The following CDC20B variants were observed in gnomAD, a reference collection of about 807,000 sequenced individuals.
The protein encoded by CDC20B is cell division cycle 20B.
CDC20B carries 58 observed loss-of-function variants against 64.1 expected under a neutral mutation model. The observed-to-expected ratio is 0.90, with a 90% CI of 0.73 to 1.13. The LOEUF (loss-of-function observed/expected upper bound fraction) is 1.13. Among genes scored for constraint, CDC20B ranks in the 50% most tolerant of loss-of-function variants. The probability of loss-of-function intolerance (pLI) is 0.00; values close to 1 mark genes in which losing one functional copy is unlikely to be tolerated. For synonymous variants in CDC20B, 243 were observed against 230.6 expected (o/e 1.05, Z -0.49); for missense variants, 597 against 633.0 (o/e 0.94, Z 0.61).
intron 2 of CDC20B, among the ~76,000 whole-genome samples, chr5:55,163,629 C>T (rs1000459556): frequency 1.3e-5 from 2 of 151,712 alleles, no homozygotes; most frequent in African/African-American, 4.8e-5. Flanking sequence ...GTCTCAGCCT[C>T]CCGAGTAGCT....
At chr5:55,167,860 T>C (rs1744466103) in intron 2 of CDC20B, among the ~76,000 whole-genome samples, 1 of 151,764 alleles carries the variant, frequency 6.6e-6, no homozygotes, top group South Asian at 2.1e-4. Context: ...CGAGACCCCA[T>C]CTCTACAAAA....
chr5:55,146,696 G>C lies in CDC20B; in HGVS notation c.287C>G (p.Thr96Ser). Residue 96 changes from threonine (T) to serine (S), a missense_variant, in exon 3 of 12, where the codon ACC (threonine) becomes AGC (serine). This residue lies in a region of CDC20B where 241 missense variants were observed against 219.2 expected (regional missense o/e 1.10). Coordinates refer to ENST00000381375, the MANE Select transcript of CDC20B (RefSeq NM_001170402.1). ...TCCGGAAGCTTCTGGGAGGTAGGTGGTTGACTGCTCTTCCCCAAAGGAATC... is the reference window on the plus strand; with the variant it reads ...TCCGGAAGCTTCTGGGAGGTAGGTGCTTGACTGCTCTTCCCCAAAGGAATC... ...SSDSFGEEQS[T>S]TYLPEASGSV... 1.2e-6 allele frequency: 2 copies of C among 1,614,178 alleles called. No individual in the cohort carries two copies. The highest frequency in any genetic ancestry group is 1.7e-6 in the Non-Finnish European group (2 of 1,180,038).
At chr5:55,165,542 A>G (rs902382294) in intron 2 of CDC20B, 9 of 152,224 alleles carry the variant, frequency 5.9e-5, no homozygotes, top group Non-Finnish European at 2.9e-5. Flanking sequence ...CTACCTCAGT[A>G]TATAGTTCTG....
intron 2 of CDC20B, among the ~76,000 whole-genome samples, chr5:55,149,397 T>C (rs988719177): frequency 6.6e-6 from 1 of 152,244 alleles, no homozygotes; most frequent in Non-Finnish European, 1.5e-5. Context: ...CAAATTCATG[T>C]GCACATATGT....
rs764233309 is a variant in CDC20B at position 55,146,671 on chromosome 5, TC to T, written c.311del (p.Gly104AspfsTer4). The T allele has an allele frequency of 1.2e-6, 2 of 1,614,178 alleles. No individual in the cohort carries two copies. The highest frequency in any genetic ancestry group is 1.1e-5 in the South Asian group (1 of 91,084). Reference protein sequence around the residue: ...QSTTYLPEASGSVLKTPPEKE... With the variant: ...QSTTYLPEASXSVLKTPPEKE... ...TCTCAGGCGGTGTCTTCAGCACTGA[TC>T]CGGAAGCTTCTGGGAGGTAGGTGGT... On this transcript the variant is annotated frameshift_variant, in exon 3 of 12. Transcript: ENST00000381375. LOFTEE classifies it high-confidence loss of function.
intron 5 of CDC20B, among the ~76,000 whole-genome samples, chr5:55,134,591 G>A (rs1028665983): frequency 2.6e-5 from 4 of 152,048 alleles, no homozygotes; most frequent in Admixed American, 6.6e-5. Context: ...GTGAAACCCT[G>A]TCACTACAAA....
intron 2 of CDC20B, chr5:55,160,139 T>G (rs1479769072): frequency 1.5e-6 from 2 of 1,378,760 alleles, no homozygotes; most frequent in Middle Eastern, 1.9e-4. Context: ...GTTTCAAGTT[T>G]CAGCTCCTCC....
intron 5 of CDC20B, among the ~76,000 whole-genome samples, chr5:55,140,022 A>C (rs1354815469): frequency 6.6e-6 from 1 of 152,068 alleles, no homozygotes; most frequent in East Asian, 1.9e-4. Context: ...AAAAACAAAA[A>C]AGTCATGATT....
chr5:55,172,459 T>G, intron 2 of CDC20B, 129 bp downstream of exon 2: 2 of 687,374 alleles, frequency 2.9e-6, no homozygotes, highest in Non-Finnish European at 5.0e-6. Context: ...TTTTTTAGTA[T>G]GTAATAAGAT....
chr5:55,134,097 A>T (rs1452375695), intron 5 of CDC20B, among the ~76,000 whole-genome samples: 1 of 152,162 alleles, frequency 6.6e-6, no homozygotes, highest in Non-Finnish European at 1.5e-5. Flanking sequence ...TTTACCCATG[A>T]CTATCTAAGG....
Position 55,143,571 on chromosome 5 carries a change from C to T in CDC20B, c.428G>A (p.Cys143Tyr), listed in dbSNP as rs148160140. Residue 143 changes from cysteine to tyrosine, a missense_variant, in exon 4 of 12, where the codon TGC (cysteine) becomes TAC (tyrosine). Coordinates refer to ENST00000381375, the MANE Select transcript of CDC20B (RefSeq NM_001170402.1). Reference protein sequence around the residue: ...SETSNSALHFCKAPHAMDRDW... With the variant: ...SETSNSALHFYKAPHAMDRDW... Reference sequence around the variant, plus strand: ...TCTGTCCATTGCATGAGGTGCCTTGCAAAAATGGAGAGCAGAGTTACTTGT... The same window carrying T: ...TCTGTCCATTGCATGAGGTGCCTTGTAAAAATGGAGAGCAGAGTTACTTGT... The T allele has an allele frequency of 1.4e-4, 218 of 1,610,462 alleles. No individual in the cohort carries two copies. In the African/African-American group the frequency reaches 2.7e-3, roughly 20 times the overall value.
chr5:55,169,056 G>T (rs1744506155), intron 2 of CDC20B, among the ~76,000 whole-genome samples: 2 of 152,010 alleles, frequency 1.3e-5, no homozygotes, highest in African/African-American at 4.8e-5. Context: ...AATTTAGTAG[G>T]TTTTATTTTT....
At chr5:55,137,412 G>A in intron 5 of CDC20B, 1 of 388,966 alleles carries the variant, frequency 2.6e-6, no homozygotes, top group Non-Finnish European at 5.2e-6. Context: ...ATATGGACAA[G>A]GCATAAAGAA....
At chr5:55,150,833 C>G (rs945259025) in intron 2 of CDC20B, among the ~76,000 whole-genome samples, 2 of 152,132 alleles carry the variant, frequency 1.3e-5, no homozygotes, top group Non-Finnish European at 2.9e-5. Flanking sequence ...CAGTCTCGAC[C>G]TCCCAGAGCT....
intron 2 of CDC20B, chr5:55,160,397 G>A (rs374910860): frequency 9.3e-6 from 15 of 1,604,962 alleles, no homozygotes; most frequent in Non-Finnish European, 1.3e-5. Flanking sequence ...TAAAGGCAAA[G>A]TAAGTTGCAT....
At chr5:55,170,506 A>T (rs1744561389) in intron 2 of CDC20B, 1 of 534,250 alleles carries the variant, frequency 1.9e-6, no homozygotes, top group Non-Finnish European at 3.8e-6. Flanking sequence ...CACTAATTAC[A>T]GATTCAGTTA....
rs151318869 is a variant in CDC20B, at chr5:55,171,190, G to C, written c.126+1398C>G. ...TTAGCCCAGCGTGGTGGTGCTGCCT[G>C]TAATCCCAGCTACTCAGGAGGCTGA... is the stretch of plus-strand genomic sequence containing the variant. On this transcript the variant is annotated intron_variant, in intron 2 of 11. Coordinates refer to ENST00000381375, the MANE Select transcript of CDC20B (RefSeq NM_001170402.1). 5.2e-3 allele frequency among the ~76,000 whole-genome samples: 785 copies of C among 152,268 alleles called. 6 individuals are homozygous for C. The highest frequency in any genetic ancestry group is 0.018 in the African/African-American group (729 of 41,546).
chr5:55,169,451 A>G (rs1436065402), intron 2 of CDC20B, among the ~76,000 whole-genome samples: 2 of 152,258 alleles, frequency 1.3e-5, no homozygotes, highest in African/African-American at 4.8e-5. Flanking sequence ...AGAATACTGC[A>G]TGTCTGGAAG....
chr5:55,121,666 AC>A (rs2111803589), intron 9 of CDC20B, among the ~76,000 whole-genome samples: 1 of 152,328 alleles, frequency 6.6e-6, no homozygotes, highest in South Asian at 2.1e-4. Flanking sequence ...AGCAGTTATA[AC>A]TTTTTACAGC....
Sources: gnomAD v4.1 joint callset for allele counts (sites outside exome capture counted in the v4.1 genomes callset) on GRCh38, gnomAD v4.1.1 for gene constraint, gnomAD v4.1.1 regional missense constraint, MANE v1.5 for transcripts, NCBI Gene and HGNC (gene_info 2026-07-23, HGNC 2026-07-21) for gene names.